VAC14: variants seen among roughly 807,000 people sequenced by gnomAD.
VAC14 encodes VAC14 component of PIKFYVE complex.
VAC14 carries 47 observed loss-of-function variants against 85.3 expected under a neutral mutation model. The ratio of observed to expected loss-of-function variants is 0.55; its 90% CI spans 0.44 to 0.70. VAC14 has a LOEUF of 0.70. Ranked by LOEUF, VAC14 falls within the 30% of genes least tolerant of loss-of-function variation. The pLI is 0.00. For missense variants in VAC14, 861 were observed against 1,004.3 expected (o/e 0.86, Z 1.93); for synonymous variants, 447 against 430.5 (o/e 1.04, Z -0.47).
intron 18 of VAC14, chr16:70,690,326 A>AATGCAGATGGCT: frequency 1.0e-6 from 1 of 985,500 alleles, no homozygotes; most frequent in Non-Finnish European, 1.2e-6. Context: ...TGCCCCACCT[A>AATGCAGATGGCT]ATGCAGATGG....
intron 9 of VAC14, 104 bp downstream of exon 9, chr16:70,780,686 A>G: frequency 2.2e-6 from 3 of 1,392,950 alleles, no homozygotes; most frequent in Non-Finnish European, 9.7e-7. Context: ...TGACATACAT[A>G]AAGTAGTCCT....
Position 70,762,865 on chromosome 16 carries a change from G to A in VAC14, c.1305+16C>T, listed in dbSNP as rs534989769. ...ACCCAGAAGAGGCCCCTGGCTTGGA[G>A]GGGCCCAGGGCTCACCTTCCGAGGA... is the stretch of plus-strand genomic sequence containing the variant. On this transcript the variant is annotated intron_variant, in intron 11 of 18. Transcript: ENST00000261776. This position sits in a 1 kb window ranked among gnomAD's most constrained non-coding sequence, Gnocchi z 4.1. 5.6e-6 allele frequency: 9 copies of A among 1,614,116 alleles called. No homozygotes were observed. The South Asian group carries it at 7.7e-5, about 14-fold the overall frequency.
Position 70,688,026 on chromosome 16 carries a change from G to A in VAC14, c.2251C>T (p.Leu751=). 4 of 1,606,322 alleles carry A rather than the reference G, an allele frequency of 2.5e-6. No homozygotes were observed. The highest frequency in any genetic ancestry group is 3.4e-6 in the Non-Finnish European group (4 of 1,175,490). The change falls in exon 19 of 19, where the codon CTG becomes TTG. Residue 751 remains leucine (L), a synonymous_variant. Transcript: ENST00000261776. ...ADSPSIDYAE[L]LQHFEKVQNK... ...TGGACCTTCTCAAAGTGCTGCAGCA[G>A]CTCTGCGTAGTCGATGCTAGGGGAG...
intron 13 of VAC14, among the ~76,000 whole-genome samples, chr16:70,732,532 G>A (rs748296922): frequency 6.6e-6 from 1 of 152,136 alleles, no homozygotes; most frequent in South Asian, 2.1e-4. Context: ...CTGTATGCCC[G>A]TTGGTATCTT....
intron 1 of VAC14, among the ~76,000 whole-genome samples, chr16:70,799,467 A>G (rs917029639): frequency 2.0e-5 from 3 of 152,200 alleles, no homozygotes; most frequent in African/African-American, 4.8e-5. Context: ...CCTTTAGTTT[A>G]GGAGGAAACT....
Position 70,695,590 on chromosome 16 carries a change from T to C in VAC14, c.1989A>G (p.Ala663=), listed in dbSNP as rs369993334. 6.2e-7 allele frequency: 1 copy of C among 1,613,914 alleles called. No individual in the cohort carries two copies. Among genetic ancestry groups the C allele is most frequent in the East Asian group, 2.2e-5 (1 of 44,870 alleles). ...TCAGCTGCACCAGCTTGTCCACCTC[T>C]GCGAGGAAGTCCACGGTGACCTCCA... ...GDLEVTVDFL[A]EVDKLVQLIE... is the part of the protein sequence containing the mutation. Residue 663 remains alanine (A), a synonymous_variant, in exon 17 of 19, where the codon GCA becomes GCG. Coordinates refer to ENST00000261776, the MANE Select transcript of VAC14 (RefSeq NM_018052.5).
rs773032389 is a variant in VAC14 at position 70,800,935 on chromosome 16, C to A, written c.-35G>T. 1 of 1,508,552 alleles carries A rather than the reference C, an allele frequency of 6.6e-7. No individual in the cohort carries two copies. The highest frequency in any genetic ancestry group is 1.2e-5 in the South Asian group (1 of 82,640). The allele number at this position is 1,508,552 out of a possible 1,614,324, so 93.4% of individuals were successfully genotyped here. A position where few individuals can be genotyped will look rare whatever the true frequency, so the allele number is the denominator to read the frequency against. ...TGGGGGAACCTCGCGACTCCTTAGC[C>A]CGCGGCTGCCGGGGCCGCGCCGGGG... On this transcript the variant is annotated 5_prime_UTR_variant, in exon 1 of 19. Transcript: ENST00000261776.
At chr16:70,741,552 C>A (rs875858) in intron 13 of VAC14, among the ~76,000 whole-genome samples, 1 of 152,166 alleles carries the variant, frequency 6.6e-6, no homozygotes, top group African/African-American at 2.4e-5. Context: ...GAGGCCCACA[C>A]GTGAGTCTCA....
chr16:70,692,988 G>A lies in VAC14; in HGVS notation c.2036-17C>T. On this transcript the variant is annotated splice_polypyrimidine_tract_variant and intron_variant, in intron 17 of 18. Transcript: ENST00000261776. ...GGCGCAGATCTGGGGTAGGCAGAGG[G>A]CAGGGGTCAGGGACCTGGCACTGCT... 1 of 1,606,506 alleles carries A rather than the reference G, an allele frequency of 6.2e-7. No homozygotes were observed. Among genetic ancestry groups the A allele is most frequent in the Non-Finnish European group, 8.5e-7 (1 of 1,177,082 alleles).
chr16:70,690,046 CT>C (rs1471928653), intron 18 of VAC14: 1 of 985,360 alleles, frequency 1.0e-6, no homozygotes, highest in Non-Finnish European at 1.2e-6. Context: ...AAGCCAAGGC[CT>C]TAGGTTAGGG....
chr16:70,709,463 C>T (rs1271521020), intron 14 of VAC14, among the ~76,000 whole-genome samples: 1 of 152,240 alleles, frequency 6.6e-6, no homozygotes, highest in Non-Finnish European at 1.5e-5. Context: ...GCTCCTTTTA[C>T]CCCACTCTCC....
chr16:70,786,403 T>C (rs764918909), intron 1 of VAC14, 38 bp from the exon 2 acceptor site: 3 of 1,604,228 alleles, frequency 1.9e-6, no homozygotes, highest in East Asian at 2.2e-5. Context: ...GGAATCAGGC[T>C]ACCTCTGCTG....
intron 17 of VAC14, 71 bp from the exon 18 acceptor site, chr16:70,693,042 C>T (rs2053630199): frequency 6.5e-7 from 1 of 1,533,644 alleles, no homozygotes; most frequent in Non-Finnish European, 8.8e-7. Context: ...ACACTGCCTG[C>T]CTCCGACTGG....
At chr16:70,772,197 G>T in intron 9 of VAC14, 25 bp from the exon 10 acceptor site, 3 of 1,606,558 alleles carry the variant, frequency 1.9e-6, no homozygotes, top group Non-Finnish European at 2.6e-6. Flanking sequence ...GGAACAAGGG[G>T]TCATGAAAGG....
intron 14 of VAC14, among the ~76,000 whole-genome samples, chr16:70,706,406 A>G (rs1475590642): frequency 6.6e-5 from 10 of 152,242 alleles, no homozygotes; most frequent in Admixed American, 3.9e-4. Flanking sequence ...AGGGCAGGGC[A>G]TCCTGGCTCA....
intron 1 of VAC14, among the ~76,000 whole-genome samples, chr16:70,794,349 A>G (rs944796462): frequency 5.3e-5 from 8 of 152,196 alleles, no homozygotes; most frequent in African/African-American, 1.9e-4. Context: ...AGATTTGCCT[A>G]TTTTGGCCAT....
intron 12 of VAC14, among the ~76,000 whole-genome samples, chr16:70,745,444 G>C (rs952539178): frequency 6.6e-6 from 1 of 152,228 alleles, no homozygotes; most frequent in African/African-American, 2.4e-5. Flanking sequence ...GGGCAATAGG[G>C]AGAGGGGCCA....
chr16:70,763,530 C>G (rs968803781), intron 10 of VAC14, among the ~76,000 whole-genome samples: 1 of 152,236 alleles, frequency 6.6e-6, no homozygotes, highest in Non-Finnish European at 1.5e-5. Flanking sequence ...AGGCCCTTCA[C>G]CGGCCATCTG....
chr16:70,777,681 G>A (rs2033590680), intron 9 of VAC14, among the ~76,000 whole-genome samples: 1 of 152,234 alleles, frequency 6.6e-6, no homozygotes, highest in African/African-American at 2.4e-5. Context: ...GTGGTTAGAG[G>A]AGGAGGGAGA....
Sources: allele counts gnomAD v4.1 joint callset (sites outside exome capture counted in the v4.1 genomes callset), GRCh38; gene constraint gnomAD v4.1.1; non-coding constraint Gnocchi (gnomAD v3.1); transcripts MANE v1.5; gene names NCBI Gene and HGNC (gene_info 2026-07-23, HGNC 2026-07-21).